Variants in SNAP91 observed in about 807,000 individuals in gnomAD.
SNAP91 encodes the protein clathrin coat assembly protein AP180.
Under a neutral mutation model 100.3 loss-of-function variants are expected in SNAP91, and 27 were observed. The observed-to-expected ratio is 0.27, with a 90% CI of 0.20 to 0.37. The LOEUF is 0.37. Ranked by LOEUF, SNAP91 falls within the 10% of genes least tolerant of loss-of-function variation. The pLI, the probability that SNAP91 is intolerant of heterozygous loss-of-function variation, is 1.00. For missense variants in SNAP91, 986 were observed against 1,123.7 expected (o/e 0.88, Z 1.75); for synonymous variants, 404 against 398.6 (o/e 1.01, Z -0.16).
chr6:83,583,364 G>T (rs142609489), intron 22 of SNAP91, among the ~76,000 whole-genome samples: 1 of 152,264 alleles, frequency 6.6e-6, no homozygotes, highest in East Asian at 1.9e-4. Flanking sequence ...ATCCTGCACA[G>T]TGCCTAAAAC....
intron 7 of SNAP91, among the ~76,000 whole-genome samples, chr6:83,646,749 TATTGC>T (rs2097932566): frequency 6.6e-6 from 1 of 152,206 alleles, no homozygotes; most frequent in Admixed American, 6.5e-5. Flanking sequence ...TACTGAATAC[TATTGC>T]AATGAATCTA....
At chr6:83,686,100 G>T in intron 2 of SNAP91, 1 of 915,220 alleles carries the variant, frequency 1.1e-6, no homozygotes. Context: ...AATGTTTGTT[G>T]TGAACCTGGA....
chr6:83,692,345 T>C (rs947535203), intron 2 of SNAP91, among the ~76,000 whole-genome samples: 1 of 152,024 alleles, frequency 6.6e-6, no homozygotes, highest in African/African-American at 2.4e-5. Context: ...CAAAACCCCA[T>C]CTCTACTAAA....
At chr6:83,700,679 G>A (rs2099281503) in intron 2 of SNAP91, among the ~76,000 whole-genome samples, 2 of 151,950 alleles carry the variant, frequency 1.3e-5, no homozygotes, top group Admixed American at 1.3e-4. Context: ...GGAGTACAAT[G>A]GCATGATCAT....
intron 26 of SNAP91, among the ~76,000 whole-genome samples, chr6:83,571,482 T>C (rs987754056): frequency 1.3e-5 from 2 of 152,216 alleles, no homozygotes; most frequent in African/African-American, 4.8e-5. Context: ...GCTTTAAAAT[T>C]TGACTCTCCC....
chr6:83,686,301 G>T (rs2099059631), intron 2 of SNAP91: 2 of 447,524 alleles, frequency 4.5e-6, no homozygotes, highest in Non-Finnish European at 3.0e-6. Context: ...TGGTGACATG[G>T]AATGCTCATC....
chr6:83,570,935 GAGA>G (rs1192025901), intron 26 of SNAP91, among the ~76,000 whole-genome samples: 2 of 152,136 alleles, frequency 1.3e-5, no homozygotes, highest in African/African-American at 2.4e-5. Context: ...GTGGAGCTAT[GAGA>G]AGAAGGCCAC....
At chr6:83,633,213 TCA>T (rs1399573679) in intron 8 of SNAP91, among the ~76,000 whole-genome samples, 2 of 152,224 alleles carry the variant, frequency 1.3e-5, no homozygotes, top group South Asian at 2.1e-4. Context: ...GGGGGTTGTC[TCA>T]CAGAGTCCTG....
At chr6:83,559,528 T>C (rs1783870418) in intron 28 of SNAP91, among the ~76,000 whole-genome samples, 1 of 152,186 alleles carries the variant, frequency 6.6e-6, no homozygotes, top group East Asian at 1.9e-4. Context: ...CTTTCCTGAG[T>C]TCTGTGAATC....
At chr6:83,643,286 T>C (rs1303922882) in intron 7 of SNAP91, among the ~76,000 whole-genome samples, 1 of 152,210 alleles carries the variant, frequency 6.6e-6, no homozygotes, top group Non-Finnish European at 1.5e-5. Context: ...CTGAATGGTA[T>C]TGCCTAGGTT....
At chr6:83,568,042 A>G (rs1008036783) in intron 26 of SNAP91, among the ~76,000 whole-genome samples, 1 of 151,620 alleles carries the variant, frequency 6.6e-6, no homozygotes, top group Non-Finnish European at 1.5e-5. Flanking sequence ...AGACACATGC[A>G]CACGTATGTT....
intron 2 of SNAP91, among the ~76,000 whole-genome samples, chr6:83,689,823 T>C (rs2099108546): frequency 6.6e-6 from 1 of 152,178 alleles, no homozygotes; most frequent in Non-Finnish European, 1.5e-5. Flanking sequence ...TATTTCTTCA[T>C]GTTAGCAGTC....
chr6:83,587,399 G>A (rs1006601526), intron 22 of SNAP91, among the ~76,000 whole-genome samples: 1 of 152,004 alleles, frequency 6.6e-6, no homozygotes, highest in Non-Finnish European at 1.5e-5. Context: ...ATTACTAAAG[G>A]CAATCACAGG....
intron 3 of SNAP91, 84 bp from the exon 4 acceptor site, chr6:83,662,506 T>TA (rs1439500936): frequency 2.0e-5 from 9 of 442,742 alleles, no homozygotes; most frequent in Non-Finnish European, 3.5e-5. Flanking sequence ...TTTTTTTTTT[T>TA]AACAAATTCT....
chr6:83,655,447 T>G (rs968959375), intron 7 of SNAP91, among the ~76,000 whole-genome samples: 1 of 152,176 alleles, frequency 6.6e-6, no homozygotes, highest in Admixed American at 6.5e-5. Context: ...TACAGCAGAT[T>G]CAAATGCTGT....
intron 8 of SNAP91, among the ~76,000 whole-genome samples, chr6:83,625,406 G>A (rs959649083): frequency 4.6e-5 from 7 of 152,074 alleles, no homozygotes; most frequent in Admixed American, 6.6e-5. Context: ...TATACACTCA[G>A]TAATGGGACT....
At chr6:83,654,314 C>T (rs2098326494) in intron 7 of SNAP91, among the ~76,000 whole-genome samples, 1 of 152,136 alleles carries the variant, frequency 6.6e-6, no homozygotes, top group South Asian at 2.1e-4. Flanking sequence ...GCCCTATGTC[C>T]TCCCCTCTCT....
At chr6:83,659,192 C>T in intron 5 of SNAP91, 100 bp from the exon 6 acceptor site, 1 of 828,390 alleles carries the variant, frequency 1.2e-6, no homozygotes, top group Admixed American at 2.7e-5. Context: ...ACCCCATTTC[C>T]TTATTAATCC....
chr6:83,611,093 C>A (rs1482060041), intron 11 of SNAP91, among the ~76,000 whole-genome samples: 1 of 151,942 alleles, frequency 6.6e-6, no homozygotes. Context: ...ATGACAAACC[C>A]CAACACCCAG....
Sources: gnomAD v4.1 joint callset for allele counts (sites outside exome capture counted in the v4.1 genomes callset) on GRCh38, gnomAD v4.1.1 for gene constraint, MANE v1.5 for transcripts, NCBI Gene and HGNC (gene_info 2026-07-23, HGNC 2026-07-21) for gene names.